TNFAIP8: variants seen among roughly 807,000 people sequenced by gnomAD.
TNFAIP8 encodes TNF alpha induced protein 8.
Under a neutral mutation model 13.3 loss-of-function variants are expected in TNFAIP8, and 7 were observed. That is an observed-to-expected ratio of 0.52 (90% CI 0.30 to 0.99). The LOEUF (loss-of-function observed/expected upper bound fraction) is 0.99. Among genes scored for constraint, TNFAIP8 ranks in the 50% least tolerant of loss-of-function variants. The pLI is 0.07. For missense variants in TNFAIP8, 258 were observed against 236.9 expected (o/e 1.09, Z -0.58); for synonymous variants, 94 against 87.6 (o/e 1.07, Z -0.41).
chr5:119,369,994 C>A (rs530333633), intron 1 of TNFAIP8, among the ~76,000 whole-genome samples: 1 of 152,322 alleles, frequency 6.6e-6, no homozygotes, highest in African/African-American at 2.4e-5. Flanking sequence ...AAATTTGGTC[C>A]AATCACACTT....
intron 1 of TNFAIP8, among the ~76,000 whole-genome samples, chr5:119,323,426 A>G (rs909915197): frequency 4.6e-5 from 7 of 152,152 alleles, no homozygotes; most frequent in Non-Finnish European, 1.0e-4. Flanking sequence ...CTTGTTTGTC[A>G]TTTACCCTAG....
At chr5:119,316,523 G>A (rs1167037281) in intron 1 of TNFAIP8, among the ~76,000 whole-genome samples, 3 of 152,132 alleles carry the variant, frequency 2.0e-5, no homozygotes, top group African/African-American at 7.2e-5. Context: ...GAAGACCCTA[G>A]TGTGGAGAGA....
chr5:119,378,143 A>G (rs1441625360), intron 1 of TNFAIP8, among the ~76,000 whole-genome samples: 1 of 152,220 alleles, frequency 6.6e-6, no homozygotes, highest in Non-Finnish European at 1.5e-5. Context: ...ACAATCCTGG[A>G]TGGGCCAAAT....
chr5:119,281,184 A>G (rs1748613992), intron 1 of TNFAIP8, among the ~76,000 whole-genome samples: 3 of 152,004 alleles, frequency 2.0e-5, no homozygotes, highest in Admixed American at 1.3e-4. Context: ...TTAGCGAGAA[A>G]TGGTATTTCA....
intron 1 of TNFAIP8, among the ~76,000 whole-genome samples, chr5:119,278,060 C>A (rs1203553820): frequency 1.3e-5 from 2 of 152,138 alleles, no homozygotes; most frequent in African/African-American, 2.4e-5. Flanking sequence ...AGGAGGGACA[C>A]AATTCAGATC....
chr5:119,321,842 C>T (rs1403619021), intron 1 of TNFAIP8, among the ~76,000 whole-genome samples: 7 of 152,168 alleles, frequency 4.6e-5, no homozygotes, highest in African/African-American at 1.7e-4. Flanking sequence ...GCTTTCCATT[C>T]CAACGGACAA....
At chr5:119,351,782 C>CTTTT (rs1751164552), upstream of TNFAIP8, among the ~76,000 whole-genome samples, 1 of 137,364 alleles carries the variant, frequency 7.3e-6, no homozygotes, top group African/African-American at 3.4e-5. Flanking sequence ...TCTTTCTTTT[C>CTTTT]TTTTTCTTTT....
chr5:119,337,945 A>G (rs1005848524), intron 1 of TNFAIP8, among the ~76,000 whole-genome samples: 2 of 152,190 alleles, frequency 1.3e-5, no homozygotes, highest in Non-Finnish European at 2.9e-5. Flanking sequence ...CCGCAGGTGG[A>G]CTTTGAGCAC....
Position 119,392,798 on chromosome 5 carries a change from C to CT in TNFAIP8, c.32-17dup. ...TTTACTAATTGTTAATTCTTTTCCT[C>CT]TCTTTTTTTTTTTTTAGTGGCCACA... On this transcript the variant is annotated splice_polypyrimidine_tract_variant and intron_variant, in intron 1 of 1. Transcript: ENST00000504771. 1 of 1,476,418 alleles carries CT rather than the reference C, an allele frequency of 6.8e-7. No homozygotes were observed. Among genetic ancestry groups the CT allele is most frequent in the Non-Finnish European group, 9.0e-7 (1 of 1,105,214 alleles). The allele number at this position is 1,476,418 out of a possible 1,614,324, so 91.5% of individuals were successfully genotyped here. A position where few individuals can be genotyped will look rare whatever the true frequency, so the allele number is the denominator to read the frequency against.
intron 1 of TNFAIP8, among the ~76,000 whole-genome samples, chr5:119,296,566 A>G (rs1265543371): frequency 6.6e-6 from 1 of 152,142 alleles, no homozygotes; most frequent in Admixed American, 6.5e-5. Flanking sequence ...ATGTTCATCA[A>G]GGATATTGGT....
upstream of TNFAIP8, chr5:119,355,240 G>C (rs561523295): frequency 1.5e-6 from 1 of 689,298 alleles, no homozygotes. Flanking sequence ...CCCAGTTTTT[G>C]CTGGTAGCCG....
At chr5:119,372,322 C>CAAAAAA (rs67551765) in intron 1 of TNFAIP8, among the ~76,000 whole-genome samples, 1 of 112,144 alleles carries the variant, frequency 8.9e-6, no homozygotes, top group Non-Finnish European at 1.8e-5. Flanking sequence ...GACCCTGTCT[C>CAAAAAA]AAAAAAAAAA....
intron 1 of TNFAIP8, among the ~76,000 whole-genome samples, chr5:119,370,926 A>C (rs559849442): frequency 7.9e-5 from 12 of 152,236 alleles, no homozygotes; most frequent in Non-Finnish European, 1.3e-4. Context: ...TCTCAACTCA[A>C]GGATTCTGTA....
chr5:119,269,467 C>T (rs1007731306), intron 1 of TNFAIP8, among the ~76,000 whole-genome samples: 1 of 152,078 alleles, frequency 6.6e-6, no homozygotes. Flanking sequence ...TGTGTGTGTA[C>T]ATGACTGCAC....
At chr5:119,307,506 T>G (rs1372349820) in intron 1 of TNFAIP8, among the ~76,000 whole-genome samples, 1 of 152,090 alleles carries the variant, frequency 6.6e-6, no homozygotes. Context: ...CTGCCAAGGT[T>G]CCTTGTAGAG....
intron 1 of TNFAIP8, among the ~76,000 whole-genome samples, chr5:119,387,952 A>T (rs1292647199): frequency 6.6e-6 from 1 of 152,188 alleles, no homozygotes; most frequent in East Asian, 1.9e-4. Context: ...AAGTGAATTG[A>T]TCTTAAGAGG....
intron 1 of TNFAIP8, among the ~76,000 whole-genome samples, chr5:119,380,626 A>G (rs1442890628): frequency 6.6e-6 from 1 of 152,270 alleles, no homozygotes; most frequent in Non-Finnish European, 1.5e-5. Context: ...CTAATTCAAC[A>G]TAATAAATAA....
chr5:119,393,206 A>G lies in TNFAIP8; in HGVS notation c.422A>G (p.Gln141Arg). The G allele has an allele frequency of 1.9e-6, 3 of 1,614,028 alleles. No homozygotes were observed. Among genetic ancestry groups the G allele is most frequent in the Non-Finnish European group, 2.5e-6 (3 of 1,179,896 alleles). ...LLNECREMLH[Q>R]IIQRHLTAKS... The stretch of plus-strand genomic sequence containing the variant: ...AATGAATGCAGAGAGATGCTGCACC[A>G]AATCATTCAGCGCCACCTCACTGCC... The change falls in exon 2 of 2, where the codon CAA becomes CGA. Residue 141 changes from glutamine to arginine, a missense_variant. Coordinates refer to ENST00000504771, the MANE Select transcript of TNFAIP8 (RefSeq NM_014350.4).
At chr5:119,280,331 T>TAA (rs34695435) in intron 1 of TNFAIP8, among the ~76,000 whole-genome samples, 2 of 144,352 alleles carry the variant, frequency 1.4e-5, no homozygotes, top group African/African-American at 5.1e-5. Context: ...TCTTACCCAT[T>TAA]AAAAAAAAAA....
Sources: allele counts gnomAD v4.1 joint callset (sites outside exome capture counted in the v4.1 genomes callset), GRCh38; gene constraint gnomAD v4.1.1; transcripts MANE v1.5; gene names NCBI Gene and HGNC (gene_info 2026-07-23, HGNC 2026-07-21).